Variants in MACF1 observed in about 807,000 individuals in gnomAD.
The protein encoded by MACF1 is microtubule actin crosslinking factor 1.
In MACF1, 193 loss-of-function variants were observed where a neutral mutation model predicts 854.8. The observed-to-expected ratio is 0.23, with a 90% confidence interval of 0.20 to 0.25. MACF1 has a LOEUF of 0.25. MACF1 is among the 10% of genes least tolerant of loss of function. The probability of loss-of-function intolerance (pLI) is 1.00; values close to 1 mark genes in which losing one functional copy is unlikely to be tolerated. For synonymous variants in MACF1, 3,185 were observed against 3,226.7 expected (o/e 0.99, Z 0.44); for missense variants, 7,722 against 8,929.1 (o/e 0.86, Z 5.45).
chr1:39,291,946 C>G lies in MACF1; in HGVS notation c.1822C>G (p.Pro608Ala). 3 of 1,613,938 alleles carry G rather than the reference C, an allele frequency of 1.9e-6. No homozygotes were observed. The highest frequency in any genetic ancestry group is 2.5e-6 in the Non-Finnish European group (3 of 1,179,978). Residue 608 changes from proline (P) to alanine (A), a missense_variant, in exon 16 of 101, where the codon CCT (proline) becomes GCT (alanine). By Grantham distance (27) the Pro-to-Ala change is conservative. Around this residue, in one of 15 missense-constraint regions of MACF1, gnomAD observed 1,137 missense variants for 1,263.0 expected, o/e 0.90. Coordinates refer to ENST00000564288, the MANE Select transcript of MACF1 (RefSeq NM_001394062.1). ...GCGAGCAGAGTGGGGCAATGACCTGCCTAGTGTGGAGTTGCAGCTAGAAAC... is the reference window on the plus strand; with the variant it reads ...GCGAGCAGAGTGGGGCAATGACCTGGCTAGTGTGGAGTTGCAGCTAGAAAC... ...LERAEWGNDL[P>A]SVELQLETQQ...
chr1:39,422,179 A>T (rs1281714370), intron 58 of MACF1, among the ~76,000 whole-genome samples, 195 bp from the exon 59 acceptor site: 3 of 152,216 alleles, frequency 2.0e-5, no homozygotes, highest in African/African-American at 7.2e-5. Flanking sequence ...CTGTAATTAC[A>T]TGTCCATAGG....
intron 44 of MACF1, among the ~76,000 whole-genome samples, chr1:39,353,584 A>G (rs929793077): frequency 1.3e-5 from 2 of 152,184 alleles, no homozygotes; most frequent in African/African-American, 2.4e-5. Flanking sequence ...AATTCTGTGT[A>G]TGCATTTCCT....
In MACF1 at chr1:39,387,429, T is replaced by G. The variant is rs373220335; in HGVS notation, c.14587T>G (p.Ser4863Ala). 15 of 1,614,092 alleles carry G rather than the reference T, an allele frequency of 9.3e-6. No individual in the cohort carries two copies. Among genetic ancestry groups the G allele is most frequent in the Non-Finnish European group, 1.3e-5 (15 of 1,180,050 alleles). ...IVAEGESLLLSVPPGEEKRTL... is the reference protein window; with the variant it reads ...IVAEGESLLLAVPPGEEKRTL... ...GGCTGAAGGGGAATCTCTACTTCTT[T>G]CTGTACCTCCTGGAGAAGAGAAAAG... Residue 4863 changes from serine to alanine, a missense_variant, in exon 58 of 101, where the codon TCT becomes GCT. This residue lies in a region of MACF1 where 2,807 missense variants were observed against 3,235.8 expected (regional missense o/e 0.87). Coordinates refer to ENST00000564288, the MANE Select transcript of MACF1 (RefSeq NM_001394062.1).
chr1:39,460,451 G>A lies in MACF1; in HGVS notation c.21361-181G>A, dbSNP rs1304668019. 1.3e-5 allele frequency among the ~76,000 whole-genome samples: 2 copies of A among 152,182 alleles called. No individual in the cohort carries two copies. Among genetic ancestry groups the A allele is most frequent in the African/African-American group, 4.8e-5 (2 of 41,456 alleles). On this transcript the variant is annotated intron_variant, in intron 91 of 100. Transcript: ENST00000564288. The surrounding 1 kb of genome is among the most constrained non-coding windows in gnomAD (Gnocchi z 4.1). ...CATTATACCATAGCTCGTGTAAATA[G>A]TCATGGCTTTAAGTGAAAGAGCCAG... is the stretch of plus-strand genomic sequence containing the variant.
intron 21 of MACF1, among the ~76,000 whole-genome samples, chr1:39,299,754 A>T (rs1056620786): frequency 2.0e-5 from 3 of 152,224 alleles, no homozygotes; most frequent in African/African-American, 7.2e-5. Flanking sequence ...ATTTTTAAAA[A>T]TTTAAATAAG....
Position 39,318,437 on chromosome 1 carries a change from C to A in MACF1, c.3783-16C>A. The A allele has an allele frequency of 1.9e-6, 3 of 1,611,474 alleles. No individual in the cohort carries two copies. Among genetic ancestry groups the A allele is most frequent in the Non-Finnish European group, 2.5e-6 (3 of 1,178,650 alleles). Reference sequence around the variant, plus strand: ...GTACCAAGGTATCTGATAGCAGTTTCCCTTTGTTCTTCTAGCCAATCTGAG... The same window carrying A: ...GTACCAAGGTATCTGATAGCAGTTTACCTTTGTTCTTCTAGCCAATCTGAG... On this transcript the variant is annotated splice_polypyrimidine_tract_variant and intron_variant, in intron 29 of 100. Transcript: ENST00000564288.
chr1:39,109,469 G>T (rs943045754), intron 2 of MACF1, among the ~76,000 whole-genome samples: 2 of 151,966 alleles, frequency 1.3e-5, no homozygotes, highest in African/African-American at 4.8e-5. Flanking sequence ...TAGAGATGGG[G>T]TTTCACCATG....
Position 39,322,820 on chromosome 1 carries a change from G to A in MACF1, c.4138-90G>A, listed in dbSNP as rs182312819. 2.6e-4 allele frequency: 394 copies of A among 1,486,892 alleles called. 3 individuals carry two copies. The African/African-American group carries it at 4.7e-3, about 18-fold the overall frequency. The allele number at this position is 1,486,892 out of a possible 1,614,324, so 92.1% of individuals were successfully genotyped here. On this transcript the variant is annotated intron_variant, in intron 32 of 100. Transcript: ENST00000564288. ...TAGGGCTCACTTTTCTGGTGAACAT[G>A]TGACTGCATGAACATTTCCTCTTAT...
chr1:39,153,850 C>T (rs1055670729), intron 2 of MACF1, among the ~76,000 whole-genome samples: 1 of 152,156 alleles, frequency 6.6e-6, no homozygotes, highest in Non-Finnish European at 1.5e-5. Context: ...TGTAATTCAA[C>T]GCTTCTCTCC....
At chr1:39,379,080 G>A (rs1231172746) in intron 53 of MACF1, 123 bp from the exon 54 acceptor site, 7 of 1,027,392 alleles carry the variant, frequency 6.8e-6, no homozygotes, top group African/African-American at 1.6e-5. Flanking sequence ...GTATGATTTA[G>A]CAGGAAGATA....
intron 1 of MACF1, among the ~76,000 whole-genome samples, chr1:39,222,123 T>TA (rs960126379): frequency 1.7e-4 from 25 of 147,756 alleles, no homozygotes; most frequent in South Asian, 8.6e-4. Context: ...CTTTGTAAAT[T>TA]AAAAAAAAAA....
Position 39,231,193 on chromosome 1 carries a change from C to T in MACF1, c.121C>T (p.Arg41Trp), listed in dbSNP as rs748430987. ...TGTTTCCTTTACAGATGAACGGGAC[C>T]GGGTTCAGAAGAAAACGTTCACCAA... ...HARGRADERD[R>W]VQKKTFTKWV... The change falls in exon 2 of 101, where the codon CGG (arginine) becomes TGG (tryptophan). Residue 41 changes from arginine (R) to tryptophan (W), a missense_variant. By Grantham distance (101) the Arg-to-Trp change is moderately radical (BLOSUM62 -3). This residue lies in a region of MACF1 where 6 missense variants were observed against 23.7 expected (regional missense o/e 0.25). Coordinates refer to ENST00000564288, the MANE Select transcript of MACF1 (RefSeq NM_001394062.1). 2.5e-6 allele frequency: 4 copies of T among 1,614,106 alleles called. No homozygotes were observed. The highest frequency in any genetic ancestry group is 2.5e-6 in the Non-Finnish European group (3 of 1,179,964).
At chr1:39,425,569 G>A (rs2148642577) in intron 61 of MACF1, among the ~76,000 whole-genome samples, 1 of 152,176 alleles carries the variant, frequency 6.6e-6, no homozygotes, top group Middle Eastern at 3.4e-3. Flanking sequence ...ACCTTTCTTA[G>A]CTTCTACTAT....
At chr1:39,410,691 A>G (rs1642953584) in intron 58 of MACF1, 2 of 1,613,884 alleles carry the variant, frequency 1.2e-6, no homozygotes, top group African/African-American at 1.3e-5. Flanking sequence ...CCAACTTCCC[A>G]GAATTTGCAG....
chr1:39,293,559 A>G lies in MACF1; in HGVS notation c.2094A>G (p.Glu698=), dbSNP rs1302378867. 3 of 1,613,886 alleles carry G rather than the reference A, an allele frequency of 1.9e-6. No individual in the cohort carries two copies. Among genetic ancestry groups the G allele is most frequent in the Non-Finnish European group, 1.7e-6 (2 of 1,179,922 alleles). Residue 698 remains glutamate, a synonymous_variant, in exon 18 of 101, where the codon GAA becomes GAG. Transcript: ENST00000564288. The part of the protein sequence containing the change: ...LIWLNEKEEE[E]LAYDWSDNNS... Reference sequence around the variant, plus strand: ...GGTTGAATGAGAAGGAGGAGGAGGAACTAGCATATGACTGGAGTGACAACA... The same window carrying G: ...GGTTGAATGAGAAGGAGGAGGAGGAGCTAGCATATGACTGGAGTGACAACA...
Position 39,460,697 on chromosome 1 carries a change from C to G in MACF1, c.21426C>G (p.His7142Gln). ...AAAAGTATATGCGTTGGATGAATCA[C>G]AAAAAGTCTCGAGTGATGGATTTCT... The part of the protein sequence containing the change: ...WRKKYMRWMN[H>Q]KKSRVMDFFR... Residue 7142 changes from histidine to glutamine, a missense_variant, in exon 92 of 101, where the codon CAC becomes CAG. Transcript: ENST00000564288. The surrounding 1 kb of genome is among the most constrained non-coding windows in gnomAD (Gnocchi z 4.1). 1 of 1,614,130 alleles carries G rather than the reference C, an allele frequency of 6.2e-7. No homozygotes were observed. Among genetic ancestry groups the G allele is most frequent in the South Asian group, 1.1e-5 (1 of 91,082 alleles).
At chr1:39,425,868 A>T (rs907297436) in intron 61 of MACF1, among the ~76,000 whole-genome samples, 2 of 152,108 alleles carry the variant, frequency 1.3e-5, no homozygotes, top group African/African-American at 4.8e-5. Context: ...TGGTTTGTTT[A>T]TCTAATGCAT....
In MACF1 at chr1:39,357,698, G is replaced by A. The variant is rs555869486; in HGVS notation, c.11748G>A (p.Leu3916=). Residue 3916 remains leucine, a synonymous_variant, in exon 45 of 101, where the codon CTG becomes CTA. Coordinates refer to ENST00000564288, the MANE Select transcript of MACF1 (RefSeq NM_001394062.1). ...GCAGCCCCGAGACCCTTCCCTCCCT[G>A]CTAAAGCGGCAAGGAAGCTTCTCAG... The part of the protein sequence containing the change: ...GGSSPETLPS[L]LKRQGSFSED... The A allele has an allele frequency of 6.2e-7, 1 of 1,614,158 alleles. No homozygotes were observed. Among genetic ancestry groups the A allele is most frequent in the Non-Finnish European group, 8.5e-7 (1 of 1,180,024 alleles).
At chr1:39,264,864 C>T (rs1214985732) in intron 6 of MACF1, among the ~76,000 whole-genome samples, 1 of 151,364 alleles carries the variant, frequency 6.6e-6, no homozygotes, top group East Asian at 1.9e-4. Flanking sequence ...TTAGTAGAGA[C>T]GGGGTTTCAC....
Sources: allele counts gnomAD v4.1 joint callset (sites outside exome capture counted in the v4.1 genomes callset), GRCh38; gene constraint gnomAD v4.1.1; regional missense constraint gnomAD v4.1.1; non-coding constraint Gnocchi (gnomAD v3.1); transcripts MANE v1.5; gene names NCBI Gene and HGNC (gene_info 2026-07-23, HGNC 2026-07-21).